Variants in PACRG observed in about 807,000 individuals in gnomAD.
The protein encoded by PACRG is parkin coregulated.
In PACRG, 29 loss-of-function variants were observed where a neutral mutation model predicts 29.7. The observed-to-expected ratio is 0.98, with a 90% CI of 0.73 to 1.33. The LOEUF is 1.33. Among genes scored for constraint, PACRG ranks in the 40% most tolerant of loss-of-function variants. The probability of loss-of-function intolerance (pLI) is 0.00; values close to 1 mark genes in which losing one functional copy is unlikely to be tolerated. For missense variants in PACRG, 279 were observed against 316.2 expected, an observed-to-expected ratio of 0.88 and a Z score of 0.89; for synonymous variants, 116 against 118.7, an observed-to-expected ratio of 0.98 and a Z score of 0.15.
At chr6:163,071,379 A>G (rs1048033470) in intron 3 of PACRG, among the ~76,000 whole-genome samples, 4 of 152,102 alleles carry the variant, frequency 2.6e-5, no homozygotes, top group African/African-American at 9.7e-5. Flanking sequence ...CTAGAAATCA[A>G]TAAGAGAAAC....
intron 2 of PACRG, among the ~76,000 whole-genome samples, chr6:162,968,300 G>A (rs6921385): frequency 0.67 from 102,183 of 151,958 alleles, 34,524 homozygotes; most frequent in East Asian, 0.79. Context: ...CAAGATATGC[G>A]TGTGTACATT....
At chr6:163,219,230 C>A (rs11966948) in intron 4 of PACRG, among the ~76,000 whole-genome samples, 79,132 of 151,992 alleles carry the variant, frequency 0.52, 20,737 homozygotes, top group East Asian at 0.64. Flanking sequence ...GGCCATTTCC[C>A]TCTCAGCCAA....
intron 1 of PACRG, among the ~76,000 whole-genome samples, chr6:162,809,396 A>G (rs1348043199): frequency 6.6e-6 from 1 of 152,258 alleles, no homozygotes; most frequent in Non-Finnish European, 1.5e-5. Context: ...GTGATTACAT[A>G]TCACCATGGA....
chr6:163,180,151 A>G (rs1217303646), intron 4 of PACRG, among the ~76,000 whole-genome samples: 4 of 152,158 alleles, frequency 2.6e-5, no homozygotes, highest in Non-Finnish European at 5.9e-5. Context: ...GTGGCTGCTG[A>G]CCAGCATCTC....
chr6:163,078,543 A>T (rs958961148), intron 3 of PACRG, among the ~76,000 whole-genome samples: 30 of 152,220 alleles, frequency 2.0e-4, no homozygotes, highest in African/African-American at 7.2e-4. Flanking sequence ...CATCCAATTT[A>T]TTGGGCTATT....
intron 1 of PACRG, among the ~76,000 whole-genome samples, chr6:162,742,819 A>C (rs1780701863): frequency 6.6e-6 from 1 of 152,070 alleles, no homozygotes; most frequent in African/African-American, 2.4e-5. Flanking sequence ...TATCTCTTTG[A>C]ATACTGATTC....
intron 2 of PACRG, among the ~76,000 whole-genome samples, chr6:162,930,673 C>G (rs1228177268): frequency 6.6e-6 from 1 of 151,868 alleles, no homozygotes; most frequent in Non-Finnish European, 1.5e-5. Flanking sequence ...TGTTCCATAT[C>G]GTAGAGGAAA....
chr6:163,230,934 G>A (rs1295669172), intron 4 of PACRG, among the ~76,000 whole-genome samples: 2 of 152,240 alleles, frequency 1.3e-5, no homozygotes, highest in Non-Finnish European at 2.9e-5. Flanking sequence ...ACAGCCTCGT[G>A]AAAGAAGCCT....
intron 2 of PACRG, among the ~76,000 whole-genome samples, chr6:162,971,491 A>G: frequency 6.6e-6 from 1 of 152,192 alleles, no homozygotes; most frequent in East Asian, 1.9e-4. Flanking sequence ...CTGAACACAA[A>G]GAATTTATCT....
At chr6:163,264,845 AAC>A (rs1478941253) in intron 4 of PACRG, among the ~76,000 whole-genome samples, 2 of 152,254 alleles carry the variant, frequency 1.3e-5, no homozygotes, top group African/African-American at 4.8e-5. Context: ...TGCACAGAAA[AAC>A]AGGTTAAGAA....
intron 4 of PACRG, among the ~76,000 whole-genome samples, chr6:163,249,096 A>G (rs1313913420): frequency 2.0e-5 from 3 of 151,668 alleles, no homozygotes; most frequent in Non-Finnish European, 4.4e-5. Context: ...CGGTCACTTA[A>G]GTTTTCAATT....
chr6:163,084,205 TTATGTC>T (rs1265307552), intron 3 of PACRG, among the ~76,000 whole-genome samples: 1 of 152,188 alleles, frequency 6.6e-6, no homozygotes, highest in African/African-American at 2.4e-5. Flanking sequence ...AAGTCCTCAC[TTATGTC>T]TTGACAATAG....
At chr6:162,929,378 G>C (rs555307938) in intron 2 of PACRG, among the ~76,000 whole-genome samples, 2 of 151,496 alleles carry the variant, frequency 1.3e-5, no homozygotes, top group South Asian at 2.1e-4. Context: ...CTATTTGTAA[G>C]TCTTCTTTGG....
At chr6:162,779,916 C>T (rs1783961179) in intron 1 of PACRG, among the ~76,000 whole-genome samples, 2 of 152,166 alleles carry the variant, frequency 1.3e-5, no homozygotes. Context: ...CTACAATTGC[C>T]TCAACTTACT....
chr6:163,003,471 A>G (rs975060529), intron 2 of PACRG, among the ~76,000 whole-genome samples: 2 of 152,220 alleles, frequency 1.3e-5, no homozygotes, highest in African/African-American at 4.8e-5. Flanking sequence ...AAAAAATAAA[A>G]TGGAAAAATC....
At chr6:163,166,121 CG>C (rs1778794032) in intron 4 of PACRG, 1 of 456,114 alleles carries the variant, frequency 2.2e-6, no homozygotes, top group Non-Finnish European at 4.4e-6. Context: ...GGGCTTGGCG[CG>C]GGGTTTCTGG....
In PACRG at chr6:162,747,356, A is replaced by ATG. The variant is rs1781097128; in HGVS notation, c.156+18966_156+18967insGT. On this transcript the variant is annotated intron_variant, in intron 1 of 4. Coordinates refer to ENST00000366888, the MANE Select transcript of PACRG (RefSeq NM_001080379.2). ...TATATATATATATATATATATATATATATATATACACATACATATATATGT... is the reference window on the plus strand; with the variant it reads ...TATATATATATATATATATATATATATGTATATATACACATACATATATATGT... Among the ~76,000 whole-genome samples the ATG allele has an allele frequency of 1.1e-4, 8 of 72,906 alleles. 1 individual carries two copies. The highest frequency in any genetic ancestry group is 6.2e-4 in the African/African-American group (8 of 12,984). The allele number at this position is 72,906 out of a possible 152,430, so 47.8% of individuals were successfully genotyped here. A position where few individuals can be genotyped will look rare whatever the true frequency, so the allele number is the denominator to read the frequency against.
intron 2 of PACRG, among the ~76,000 whole-genome samples, chr6:162,885,139 A>G (rs1200733906): frequency 3.3e-5 from 5 of 151,918 alleles, no homozygotes; most frequent in Non-Finnish European, 5.9e-5. Context: ...AGGTTCCTCT[A>G]TGTACAAGTT....
intron 3 of PACRG, among the ~76,000 whole-genome samples, chr6:163,067,172 C>T (rs1328205684): frequency 6.6e-6 from 1 of 152,160 alleles, no homozygotes; most frequent in African/African-American, 2.4e-5. Context: ...AGTATGCATC[C>T]GCGGACCTTG....
Sources: gnomAD v4.1 joint callset for allele counts (sites outside exome capture counted in the v4.1 genomes callset) on GRCh38, gnomAD v4.1.1 for gene constraint, MANE v1.5 for transcripts, NCBI Gene and HGNC (gene_info 2026-07-23, HGNC 2026-07-21) for gene names.